ANKRD30BL: variants seen among roughly 807,000 people sequenced by gnomAD.
The protein encoded by ANKRD30BL is ankyrin repeat domain 30B like.
In ANKRD30BL, 20 loss-of-function variants were observed where a neutral mutation model predicts 18.4. The observed-to-expected ratio is 1.09, with a 90% CI of 0.77 to 1.58. ANKRD30BL has a LOEUF of 1.58. ANKRD30BL is among the 40% of genes most tolerant of loss of function. The pLI, the probability that ANKRD30BL is intolerant of heterozygous loss-of-function variation, is 0.00. For synonymous variants in ANKRD30BL, 72 were observed against 100.9 expected, an observed-to-expected ratio of 0.71 and a Z score of 1.72; for missense variants, 224 against 268.6, an observed-to-expected ratio of 0.83 and a Z score of 1.16.
chr2:132,233,976 A>G (rs947057694), intron 1 of ANKRD30BL, among the ~76,000 whole-genome samples: 1 of 152,160 alleles, frequency 6.6e-6, no homozygotes, highest in African/African-American at 2.4e-5. Flanking sequence ...CAGAAATTAT[A>G]ACCAACTATC....
upstream of ANKRD30BL, among the ~76,000 whole-genome samples, chr2:132,162,119 C>A (rs1688090980): frequency 6.6e-6 from 1 of 152,026 alleles, no homozygotes; most frequent in Admixed American, 6.6e-5. Context: ...TGCCACATGG[C>A]CTGCTTGACA....
chr2:132,253,185 AC>A, intron 1 of ANKRD30BL: 1 of 211,036 alleles, frequency 4.7e-6, no homozygotes, highest in Non-Finnish European at 1.0e-5. Flanking sequence ...CCTGGGAGGA[AC>A]CCGGGCCGCA....
rs557292160 is a variant in ANKRD30BL, at chr2:132,232,390, C to G, written n.441+25139G>C. On this transcript the variant is annotated intron_variant and non_coding_transcript_variant, in intron 1 of 4. Coordinates refer to the ANKRD30BL transcript ENST00000470729. ...CTTCAGACGATCAAATTACTCTGAG[C>G]TATGGGAGGACATTCAAGCCAAAGG... is the stretch of plus-strand genomic sequence containing the variant. Among the ~76,000 whole-genome samples the G allele has an allele frequency of 4.3e-4, 65 of 152,192 alleles. 1 individual carries two copies. The South Asian group carries it at 0.013, about 32-fold the overall frequency.
chr2:132,183,422 C>A (rs1200134616), intron 1 of ANKRD30BL, among the ~76,000 whole-genome samples: 1 of 152,082 alleles, frequency 6.6e-6, no homozygotes, highest in Non-Finnish European at 1.5e-5. Context: ...AATCACTGCA[C>A]CCGGCCACTT....
At chr2:132,203,459 T>C (rs570314191) in intron 1 of ANKRD30BL, among the ~76,000 whole-genome samples, 3 of 152,262 alleles carry the variant, frequency 2.0e-5, no homozygotes, top group African/African-American at 7.2e-5. Flanking sequence ...CTATGTTCAA[T>C]AGAAACAATG....
At chr2:132,239,054 T>C (rs1289400823) in intron 1 of ANKRD30BL, among the ~76,000 whole-genome samples, 2 of 152,112 alleles carry the variant, frequency 1.3e-5, no homozygotes, top group African/African-American at 2.4e-5. Flanking sequence ...AGAGCAGTTT[T>C]GAAACACTCC....
chr2:132,253,859 C>G (rs950630490), intron 1 of ANKRD30BL, among the ~76,000 whole-genome samples: 16 of 152,146 alleles, frequency 1.1e-4, no homozygotes, highest in African/African-American at 2.9e-4. Flanking sequence ...AGCGGGAAGG[C>G]TGGGGAGAGC....
At chr2:132,184,314 GTC>G (rs1688527260) in intron 1 of ANKRD30BL, among the ~76,000 whole-genome samples, 2 of 152,062 alleles carry the variant, frequency 1.3e-5, no homozygotes, top group Admixed American at 1.3e-4. Context: ...AACCTTATTT[GTC>G]TGCATGTCTG....
chr2:132,173,040 T>G (rs55908129), intron 1 of ANKRD30BL, among the ~76,000 whole-genome samples: 33,229 of 97,150 alleles, frequency 0.34, 3,822 homozygotes, highest in South Asian at 0.42. Context: ...CTTTTACTTT[T>G]GATGAAACTA....
chr2:132,155,059 CT>C, intron 3 of ANKRD30BL: 2 of 239,296 alleles, frequency 8.4e-6, no homozygotes, highest in Non-Finnish European at 1.6e-5. Flanking sequence ...TATCTTTTAC[CT>C]CTATGTCCTT....
intron 1 of ANKRD30BL, among the ~76,000 whole-genome samples, chr2:132,202,059 G>A (rs1274666875): frequency 3.9e-5 from 6 of 152,076 alleles, no homozygotes; most frequent in South Asian, 4.2e-4. Flanking sequence ...ACCAAACACC[G>A]CATATTCTCA....
chr2:132,148,125 T>C lies in ANKRD30BL; in HGVS notation c.*6A>G. 15 of 1,568,700 alleles carry C rather than the reference T, an allele frequency of 9.6e-6. No individual in the cohort carries two copies. Among genetic ancestry groups the C allele is most frequent in the East Asian group, 2.3e-5 (1 of 44,262 alleles). ...CTAAAATCTTTGAAGAGGAATTCAC[T>C]GTATCCTATTCATCAGGTGTTCTTT... On this transcript the variant is annotated 3_prime_UTR_variant, in exon 6 of 6. Coordinates refer to ENST00000409867, the MANE Select transcript of ANKRD30BL (RefSeq NM_001358416.1).
intron 1 of ANKRD30BL, among the ~76,000 whole-genome samples, chr2:132,229,555 C>A (rs1309295782): frequency 3.9e-5 from 6 of 152,178 alleles, no homozygotes; most frequent in Non-Finnish European, 8.8e-5. Context: ...TAGAAACTCT[C>A]TTTTTGTAGA....
intron 1 of ANKRD30BL, among the ~76,000 whole-genome samples, chr2:132,240,938 CT>C (rs1311714058): frequency 3.3e-4 from 50 of 151,872 alleles, no homozygotes; most frequent in African/African-American, 1.1e-3. Flanking sequence ...TTGAAACACT[CT>C]TTTTGTAGAA....
chr2:132,231,463 C>T (rs190668692), intron 1 of ANKRD30BL, among the ~76,000 whole-genome samples: 26 of 152,278 alleles, frequency 1.7e-4, no homozygotes, highest in Middle Eastern at 6.8e-3. Context: ...AGACAGTGGG[C>T]GCAGGTCAGT....
chr2:132,216,252 T>A (rs199531987), intron 1 of ANKRD30BL, among the ~76,000 whole-genome samples: 2 of 152,050 alleles, frequency 1.3e-5, no homozygotes, highest in Non-Finnish European at 2.9e-5. Flanking sequence ...TCTCAGGGAA[T>A]TGAAACTTAC....
At chr2:132,227,690 T>G (rs1558945599) in intron 1 of ANKRD30BL, among the ~76,000 whole-genome samples, 1 of 152,122 alleles carries the variant, frequency 6.6e-6, no homozygotes, top group East Asian at 1.9e-4. Flanking sequence ...TTGTAGCGCT[T>G]TTGGGCCTAT....
At chr2:132,255,607 C>T (rs946495021) in intron 1 of ANKRD30BL, among the ~76,000 whole-genome samples, 1 of 152,160 alleles carries the variant, frequency 6.6e-6, no homozygotes, top group Non-Finnish European at 1.5e-5. Flanking sequence ...CCAATTGATC[C>T]TCATTAAAAG....
At chr2:132,256,288 G>C (rs867666730) in intron 1 of ANKRD30BL, among the ~76,000 whole-genome samples, 2,297 of 149,686 alleles carry the variant, frequency 0.015, 56 homozygotes, top group African/African-American at 0.054. Flanking sequence ...GCGTGGGGGA[G>C]GGAGGGAGCA....
Sources: allele counts gnomAD v4.1 joint callset (sites outside exome capture counted in the v4.1 genomes callset), GRCh38; gene constraint gnomAD v4.1.1; transcripts MANE v1.5; gene names NCBI Gene and HGNC (gene_info 2026-07-23, HGNC 2026-07-21).